The following PRKAA2 variants were observed in gnomAD, a reference collection of about 807,000 sequenced individuals.
PRKAA2 encodes 5'-AMP-activated protein kinase catalytic subunit alpha-2.
PRKAA2 carries 40 observed loss-of-function variants against 56.3 expected under a neutral mutation model. That is an observed-to-expected ratio of 0.71 (90% CI 0.55 to 0.92). The LOEUF (loss-of-function observed/expected upper bound fraction) is 0.92. Among genes scored for constraint, PRKAA2 ranks in the 40% least tolerant of loss-of-function variants. PRKAA2 has a pLI of 0.00. For synonymous variants in PRKAA2, 214 were observed against 234.2 expected (o/e 0.91, Z 0.79); for missense variants, 542 against 686.9 (o/e 0.79, Z 2.36).
At chr1:56,699,702 T>A (rs1644281696) in intron 6 of PRKAA2, among the ~76,000 whole-genome samples, 1 of 152,188 alleles carries the variant, frequency 6.6e-6, no homozygotes, top group South Asian at 2.1e-4. Context: ...GCCATCTAAT[T>A]CCAGAACTAT....
At chr1:56,693,690 T>C in intron 4 of PRKAA2, 75 bp from the exon 5 acceptor site, 1 of 1,026,422 alleles carries the variant, frequency 9.7e-7, no homozygotes, top group Non-Finnish European at 1.4e-6. Flanking sequence ...GGACTTGAAA[T>C]TTTGCTCATA....
chr1:56,683,110 C>T (rs1408217005), intron 2 of PRKAA2, among the ~76,000 whole-genome samples: 1 of 93,476 alleles, frequency 1.1e-5, no homozygotes, highest in Admixed American at 1.5e-4. Context: ...TTTGCTTAAG[C>T]AACTGGGATT....
chr1:56,650,256 T>C (rs1228571265), intron 1 of PRKAA2, among the ~76,000 whole-genome samples: 1 of 152,230 alleles, frequency 6.6e-6, no homozygotes, highest in East Asian at 1.9e-4. Context: ...TATTTGTTAA[T>C]AAAGCCTTAT....
chr1:56,692,187 A>G (rs957715513), intron 3 of PRKAA2, among the ~76,000 whole-genome samples, 171 bp from the exon 4 acceptor site: 4 of 152,070 alleles, frequency 2.6e-5, no homozygotes, highest in African/African-American at 9.7e-5. Flanking sequence ...GCATGTCACC[A>G]TGCCCGGCTA....
rs1644373937 is a variant in PRKAA2 at position 56,712,336 on chromosome 1, G to T, written c.*4623G>T. 6.6e-6 allele frequency: 1 copy of T among 152,168 alleles called. No homozygotes were observed. The highest frequency in any genetic ancestry group is 1.5e-5 in the Non-Finnish European group (1 of 68,026). The allele number at this position is 152,168 out of a possible 1,614,324, so 9.4% of individuals were successfully genotyped here. Reference sequence around the variant, plus strand: ...ATAAACACAGATGTATTGCTTTCAAGTCTTAGAGTGACATAAAGTAGTCTT... The same window carrying T: ...ATAAACACAGATGTATTGCTTTCAATTCTTAGAGTGACATAAAGTAGTCTT... On this transcript the variant is annotated 3_prime_UTR_variant, in exon 9 of 9. Coordinates refer to ENST00000371244, the MANE Select transcript of PRKAA2 (RefSeq NM_006252.4).
At chr1:56,685,071 G>C (rs1175038583) in intron 2 of PRKAA2, among the ~76,000 whole-genome samples, 35 of 152,128 alleles carry the variant, frequency 2.3e-4, no homozygotes, top group Admixed American at 2.3e-3. Context: ...GTGTGTGGTG[G>C]AAGAAAAGAT....
At chr1:56,645,547 G>A (rs1646633161) in intron 1 of PRKAA2, 66 bp downstream of exon 1, 7 of 1,372,922 alleles carry the variant, frequency 5.1e-6, no homozygotes, top group Non-Finnish European at 6.7e-6. Context: ...GGGGAGAGGC[G>A]GGAGCCCCGG....
At chr1:56,653,609 G>C (rs1344156981) in intron 1 of PRKAA2, among the ~76,000 whole-genome samples, 1 of 152,076 alleles carries the variant, frequency 6.6e-6, no homozygotes, top group East Asian at 1.9e-4. Context: ...AGATGAAAAA[G>C]CACTCAGAAG....
rs1229870013 is a variant in PRKAA2, at chr1:56,711,459, A to G, written c.*3746A>G. ...GCCTGCCACAGACACCACTTTGTCT[A>G]TTCACCGGGTACTAATTTACATCCT... On this transcript the variant is annotated 3_prime_UTR_variant, in exon 9 of 9. Coordinates refer to ENST00000371244, the MANE Select transcript of PRKAA2 (RefSeq NM_006252.4). 1 of 152,308 alleles carries G rather than the reference A, an allele frequency of 6.6e-6. No homozygotes were observed. The highest frequency in any genetic ancestry group is 1.9e-4 in the East Asian group (1 of 5,188). 9.4% of individuals were successfully genotyped at this position (152,308 alleles called of 1,614,324 possible).
At chr1:56,658,444 C>T (rs1429959383) in intron 1 of PRKAA2, among the ~76,000 whole-genome samples, 4 of 152,072 alleles carry the variant, frequency 2.6e-5, no homozygotes, top group Admixed American at 2.0e-4. Flanking sequence ...TGGTTTATGA[C>T]GCTTTGGGAT....
At position 56,710,588 on chromosome 1, in the gene PRKAA2, GA is replaced by G. The variant is rs368275788; in HGVS notation, c.*2876del. 4 of 152,226 alleles carry G rather than the reference GA, an allele frequency of 2.6e-5. No individual in the cohort carries two copies. In the East Asian group the frequency reaches 7.7e-4, roughly 29 times the overall value. 9.4% of individuals were successfully genotyped at this position (152,226 alleles called of 1,614,324 possible). A position where few individuals can be genotyped will look rare whatever the true frequency, so the allele number is the denominator to read the frequency against. ...TTCCATTTCTCTTACTGGTTGTTGG[GA>G]GAATCTGATTGAAAATTAGAATTAC... On this transcript the variant is annotated 3_prime_UTR_variant, in exon 9 of 9. Transcript: ENST00000371244.
chr1:56,677,003 A>G (rs1644118184), intron 2 of PRKAA2, among the ~76,000 whole-genome samples: 1 of 152,254 alleles, frequency 6.6e-6, no homozygotes, highest in African/African-American at 2.4e-5. Context: ...TTATAAGGTT[A>G]TCATCCAGGA....
At chr1:56,656,489 A>G (rs1643943285) in intron 1 of PRKAA2, among the ~76,000 whole-genome samples, 1 of 152,206 alleles carries the variant, frequency 6.6e-6, no homozygotes. Flanking sequence ...ACAAATGGAC[A>G]TGTTATACTC....
chr1:56,658,490 A>G (rs1205076193), intron 1 of PRKAA2, among the ~76,000 whole-genome samples: 1 of 152,066 alleles, frequency 6.6e-6, no homozygotes, highest in Non-Finnish European at 1.5e-5. Flanking sequence ...ATGCTAATAC[A>G]TTCTCCAACG....
At chr1:56,659,003 A>G (rs2100387583) in intron 1 of PRKAA2, among the ~76,000 whole-genome samples, 2 of 144,044 alleles carry the variant, frequency 1.4e-5, no homozygotes, top group African/African-American at 5.2e-5. Flanking sequence ...GGGTCTTCCT[A>G]TGTTGCCAGG....
intron 2 of PRKAA2, among the ~76,000 whole-genome samples, chr1:56,678,941 A>G (rs1569753905): frequency 1.3e-5 from 2 of 152,044 alleles, no homozygotes. Context: ...TGATCTGCCC[A>G]CCTTGGCCTC....
intron 6 of PRKAA2, among the ~76,000 whole-genome samples, chr1:56,702,052 G>C (rs918974737): frequency 6.6e-6 from 1 of 151,774 alleles, no homozygotes; most frequent in Non-Finnish European, 1.5e-5. Flanking sequence ...TTGGACTATT[G>C]CAACTAGCAT....
chr1:56,652,250 A>G (rs1323950319), intron 1 of PRKAA2, among the ~76,000 whole-genome samples: 2 of 152,014 alleles, frequency 1.3e-5, no homozygotes, highest in South Asian at 2.1e-4. Context: ...TGACCTCGTA[A>G]TACGCCCGCC....
intron 6 of PRKAA2, among the ~76,000 whole-genome samples, chr1:56,701,647 A>C (rs981170549): frequency 7.2e-5 from 11 of 152,318 alleles, no homozygotes; most frequent in Admixed American, 7.2e-4. Context: ...CTGTAATCCC[A>C]GCACTTTGGG....
Sources: allele counts gnomAD v4.1 joint callset (sites outside exome capture counted in the v4.1 genomes callset), GRCh38; gene constraint gnomAD v4.1.1; transcripts MANE v1.5; gene names NCBI Gene and HGNC (gene_info 2026-07-23, HGNC 2026-07-21).